The following MAMLD1 variants were observed in gnomAD, a reference collection of about 807,000 sequenced individuals.
The protein encoded by MAMLD1 is mastermind like domain containing 1.
In MAMLD1, 14 loss-of-function variants were observed where a neutral mutation model predicts 45.0. That is an observed-to-expected ratio of 0.31 (90% CI 0.21 to 0.49). The LOEUF is 0.49. MAMLD1 is among the 20% of genes least tolerant of loss of function. The pLI, the probability that MAMLD1 is intolerant of heterozygous loss-of-function variation, is 0.99. For missense variants in MAMLD1, 543 were observed against 603.6 expected, an observed-to-expected ratio of 0.90 and a Z score of 1.05; for synonymous variants, 254 against 247.8, an observed-to-expected ratio of 1.02 and a Z score of -0.24.
chrX:150,415,530 G>A (rs1262769921), intron 1 of MAMLD1, among the ~76,000 whole-genome samples: 4 of 112,499 alleles, frequency 3.6e-5, no homozygotes, highest in African/African-American at 1.3e-4. Context: ...AAAAGAGGAA[G>A]GATGAGTACT....
At chrX:150,508,600 C>T (rs2037806831) in intron 6 of MAMLD1, among the ~76,000 whole-genome samples, 1 of 112,692 alleles carries the variant, frequency 8.9e-6, no homozygotes, top group African/African-American at 3.2e-5. Flanking sequence ...GGAACCAAGG[C>T]CAGGAACTGC....
chrX:150,500,500 A>G (rs1406397422), intron 5 of MAMLD1, among the ~76,000 whole-genome samples: 1 of 111,434 alleles, frequency 9.0e-6, no homozygotes, highest in East Asian at 2.8e-4. Flanking sequence ...TCTGACAATC[A>G]TGAGAAGCCC....
At chrX:150,489,354 C>T (rs781889668) in intron 5 of MAMLD1, among the ~76,000 whole-genome samples, 11 of 110,395 alleles carry the variant, frequency 1.0e-4, no homozygotes, top group Non-Finnish European at 1.9e-4. Flanking sequence ...ATGGTGCCTT[C>T]TTGCTGCATT....
chrX:150,470,773 G>T lies in MAMLD1; in HGVS notation c.1200G>T (p.Gly400=). Residue 400 remains glycine (G), a synonymous_variant, in exon 4 of 8, where the codon GGG becomes GGT. Coordinates refer to ENST00000370401, the MANE Select transcript of MAMLD1 (RefSeq NM_005491.5). ...CGTCCAGCAGCAATGCTGCCCTGGGGCCCGCCATGCCCTATGCTCCTGAGA... is the reference window on the plus strand; with the variant it reads ...CGTCCAGCAGCAATGCTGCCCTGGGTCCCGCCATGCCCTATGCTCCTGAGA... The part of the protein sequence containing the change: ...SMTSSSNAAL[G]PAMPYAPEKL... The T allele has an allele frequency of 2.2e-5, 27 of 1,211,690 alleles. No individual in the cohort carries two copies. Among genetic ancestry groups the T allele is most frequent in the Non-Finnish European group, 3.0e-5 (27 of 895,526 alleles).
intron 1 of MAMLD1, among the ~76,000 whole-genome samples, chrX:150,432,747 G>A (rs1374481057): frequency 3.6e-5 from 4 of 111,386 alleles, no homozygotes; most frequent in African/African-American, 1.3e-4. Context: ...TTATTTCCGG[G>A]CTCTCTATTA....
chrX:150,492,905 T>A (rs1330410088), intron 5 of MAMLD1, among the ~76,000 whole-genome samples: 3 of 110,674 alleles, frequency 2.7e-5, no homozygotes, highest in African/African-American at 9.9e-5. Context: ...GTTAGGGTGG[T>A]AAGGAGAGGA....
chrX:150,438,879 G>A (rs1218465612), intron 1 of MAMLD1, among the ~76,000 whole-genome samples: 6 of 111,830 alleles, frequency 5.4e-5, no homozygotes, highest in Non-Finnish European at 1.9e-5. Context: ...GGAATTGTGG[G>A]GTCAAATGGT....
intron 1 of MAMLD1, among the ~76,000 whole-genome samples, chrX:150,406,810 T>G (rs892096337): frequency 9.0e-6 from 1 of 110,995 alleles, no homozygotes. Flanking sequence ...TGCCCCTCCT[T>G]CATTTGCGCT....
At chrX:150,465,405 G>A (rs1557405839) in intron 3 of MAMLD1, among the ~76,000 whole-genome samples, 3 of 112,205 alleles carry the variant, frequency 2.7e-5, no homozygotes, top group Non-Finnish European at 5.6e-5. Flanking sequence ...TCTATCAGAA[G>A]AGAAACCTTT....
chrX:150,478,908 C>G (rs1422894599), intron 5 of MAMLD1, among the ~76,000 whole-genome samples: 1 of 112,008 alleles, frequency 8.9e-6, no homozygotes, highest in Non-Finnish European at 1.9e-5. Flanking sequence ...GATTAGACAC[C>G]GTGTAACATG....
At chrX:150,458,526 G>A (rs1371711552) in intron 2 of MAMLD1, among the ~76,000 whole-genome samples, 18 of 111,634 alleles carry the variant, frequency 1.6e-4, no homozygotes, top group African/African-American at 5.9e-4. Context: ...TTCATAAAGA[G>A]GGCCCCAGAT....
At chrX:150,380,651 T>C (rs1211664855) in intron 1 of MAMLD1, among the ~76,000 whole-genome samples, 1 of 112,198 alleles carries the variant, frequency 8.9e-6, no homozygotes, top group Non-Finnish European at 1.9e-5. Flanking sequence ...TATGGTTTCA[T>C]GTTTTACATT....
intron 2 of MAMLD1, among the ~76,000 whole-genome samples, chrX:150,461,607 G>A (rs1291001086): frequency 1.8e-5 from 2 of 112,154 alleles, no homozygotes; most frequent in East Asian, 5.6e-4. Flanking sequence ...TCAGATGGTT[G>A]GAGACTGCAA....
chrX:150,510,086 G>A (rs2037855271), intron 7 of MAMLD1, 40 bp downstream of exon 7: 2 of 928,345 alleles, frequency 2.2e-6, no homozygotes, highest in South Asian at 4.1e-5. Flanking sequence ...GGGTGGGCAA[G>A]GGGTGCATAT....
In MAMLD1 at chrX:150,368,424, T is replaced by A. The variant is rs1272102935; in HGVS notation, c.-64+4894T>A. On this transcript the variant is annotated intron_variant, in intron 1 of 7. Transcript: ENST00000370401. ...ATGGGGTTGTTTTTTTTTTTTCTTG[T>A]AAATTTGTTTGAGTTCTTTGTAGAT... is the stretch of plus-strand genomic sequence containing the variant. Among the ~76,000 whole-genome samples the A allele has an allele frequency of 3.6e-5, 4 of 110,449 alleles. No individual in the cohort carries two copies. The Admixed American group carries it at 3.8e-4, about 11-fold the overall frequency.
intron 6 of MAMLD1, among the ~76,000 whole-genome samples, chrX:150,506,096 G>T (rs1455772951): frequency 3.6e-5 from 4 of 112,010 alleles, no homozygotes; most frequent in African/African-American, 1.3e-4. Flanking sequence ...CAGTACAAAA[G>T]AAGGTTTTTT....
chrX:150,426,715 A>C (rs1402687305), intron 1 of MAMLD1, among the ~76,000 whole-genome samples: 4 of 110,884 alleles, frequency 3.6e-5, no homozygotes, highest in African/African-American at 1.3e-4. Flanking sequence ...AGGATGTTCC[A>C]GCTCTTATTC....
At position 150,453,679 on chromosome X, in the gene MAMLD1, TCCCTTTCCCATAGCCTG is replaced by T. The variant is rs1224600193; in HGVS notation, c.96+8069_96+8085del. Among the ~76,000 whole-genome samples the T allele has an allele frequency of 4.5e-5, 5 of 111,495 alleles. No individual in the cohort carries two copies. In the Admixed American group the frequency reaches 4.7e-4, roughly 11 times the overall value. Reference sequence around the variant, plus strand: ...TCCCTACAAACAAAATACAATCCAATCCCTTTCCCATAGCCTGCAAGACCCTCTGCAAATTCACGACT... The same window carrying T: ...TCCCTACAAACAAAATACAATCCAATCAAGACCCTCTGCAAATTCACGACT... On this transcript the variant is annotated intron_variant, in intron 2 of 7. Transcript: ENST00000370401.
At chrX:150,403,090 T>C (rs1282189163) in intron 1 of MAMLD1, among the ~76,000 whole-genome samples, 1 of 110,791 alleles carries the variant, frequency 9.0e-6, no homozygotes, top group Non-Finnish European at 1.9e-5. Context: ...AAAAAGTCAT[T>C]GTGGTCCATA....
Sources: allele counts gnomAD v4.1 joint callset (sites outside exome capture counted in the v4.1 genomes callset), GRCh38; gene constraint gnomAD v4.1.1; transcripts MANE v1.5; gene names NCBI Gene and HGNC (gene_info 2026-07-23, HGNC 2026-07-21).